Variants in MAGT1 observed in about 807,000 individuals in gnomAD.
MAGT1 encodes dolichyl-diphosphooligosaccharide--protein glycosyltransferase subunit MAGT1.
In MAGT1, 4 loss-of-function variants were observed where a neutral mutation model predicts 28.4. The observed-to-expected ratio is 0.14, with a 90% CI of 0.07 to 0.32. The LOEUF is 0.32. MAGT1 is among the 10% of genes least tolerant of loss of function. The probability of loss-of-function intolerance (pLI) is 1.00; values close to 1 mark genes in which losing one functional copy is unlikely to be tolerated. For synonymous variants in MAGT1, 89 were observed against 89.7 expected, an observed-to-expected ratio of 0.99 and a Z score of 0.04; for missense variants, 193 against 264.5, an observed-to-expected ratio of 0.73 and a Z score of 1.88.
chrX:77,844,715 C>T (rs781848779), intron 7 of MAGT1, among the ~76,000 whole-genome samples: 8 of 111,672 alleles, frequency 7.2e-5, no homozygotes, highest in Non-Finnish European at 1.1e-4. Flanking sequence ...AGTAGTCATT[C>T]AGGAGCAGGC....
chrX:77,855,875 AT>A (rs1229138805), intron 5 of MAGT1, among the ~76,000 whole-genome samples: 1 of 109,191 alleles, frequency 9.2e-6, no homozygotes, highest in African/African-American at 3.3e-5. Flanking sequence ...GGTTTAAGCA[AT>A]TCTCCTGCCT....
intron 8 of MAGT1, among the ~76,000 whole-genome samples, chrX:77,831,594 CT>C (rs67369107): frequency 0.43 from 39,542 of 91,042 alleles, 8,624 homozygotes; most frequent in Non-Finnish European, 0.58. Context: ...TTTTGGTTTT[CT>C]TTTTTTTTTT....
intron 1 of MAGT1, among the ~76,000 whole-genome samples, chrX:77,891,315 CATCTATCTATCTATCT>C (rs79053193): frequency 1.1e-5 from 1 of 90,435 alleles, no homozygotes; most frequent in African/African-American, 4.1e-5. Context: ...TCAGTTCCCT[CATCTATCTATCTATCT>C]ATCTATCTAT....
rs782367989 is a variant in MAGT1 at position 77,868,602 on chromosome X, A to G, written c.390+2206T>C. On this transcript the variant is annotated intron_variant, in intron 3 of 9. Transcript: ENST00000618282. ...CAGTGAGCCGAGATCAAGCCACTGCACTCTAGTCTGGGCAACAGAGCGAGA... is the reference window on the plus strand; with the variant it reads ...CAGTGAGCCGAGATCAAGCCACTGCGCTCTAGTCTGGGCAACAGAGCGAGA... The G allele has an allele frequency of 6.3e-5, 17 of 269,753 alleles. No individual in the cohort carries two copies. The East Asian group carries it at 1.9e-3, about 31-fold the overall frequency. 22.2% of individuals were successfully genotyped at this position (269,753 alleles called of 1,213,427 possible).
rs782593915 is a variant in MAGT1 at position 77,828,862 on chromosome X, G to A, written c.*358C>T. On this transcript the variant is annotated 3_prime_UTR_variant, in exon 10 of 10. Coordinates refer to ENST00000618282, the MANE Select transcript of MAGT1 (RefSeq NM_001367916.1). ...CTTACTTTCCCCATCTTTGGATAAG[G>A]CAATATAAAATCAGATGACCAAGTT... 1 of 162,053 alleles carries A rather than the reference G, an allele frequency of 6.2e-6. No homozygotes were observed. Among genetic ancestry groups the A allele is most frequent in the Non-Finnish European group, 1.2e-5 (1 of 85,871 alleles). The allele number at this position is 162,053 out of a possible 1,213,427, so 13.4% of individuals were successfully genotyped here.
rs782351906 is a variant in MAGT1 at position 77,826,004 on chromosome X, C to T, written c.*3216G>A. 8.9e-6 allele frequency among the ~76,000 whole-genome samples: 1 copy of T among 112,417 alleles called. No homozygotes were observed. The highest frequency in any genetic ancestry group is 3.6e-4 in the South Asian group (1 of 2,765). On this transcript the variant is annotated 3_prime_UTR_variant, in exon 10 of 10. Coordinates refer to ENST00000618282, the MANE Select transcript of MAGT1 (RefSeq NM_001367916.1). ...TAGTTTCATATAACTTATAATCTGCCAGGGTAACTTTCAAATCAAGTTTTT... is the reference window on the plus strand; with the variant it reads ...TAGTTTCATATAACTTATAATCTGCTAGGGTAACTTTCAAATCAAGTTTTT...
intron 1 of MAGT1, among the ~76,000 whole-genome samples, chrX:77,875,919 C>A (rs2077032170): frequency 9.2e-6 from 1 of 108,874 alleles, no homozygotes; most frequent in South Asian, 3.9e-4. Flanking sequence ...GTAGCCTTGA[C>A]CTCCTGGCCT....
In MAGT1 at chrX:77,832,976, C is replaced by A. The variant is rs180721369; in HGVS notation, c.902-2081G>T. 1.8e-4 allele frequency among the ~76,000 whole-genome samples: 20 copies of A among 110,679 alleles called. No homozygotes were observed. In the East Asian group the frequency reaches 4.5e-3, roughly 25 times the overall value. On this transcript the variant is annotated intron_variant, in intron 8 of 9. Coordinates refer to ENST00000618282, the MANE Select transcript of MAGT1 (RefSeq NM_001367916.1). ...TGTTAAACAATATTTCTCTTTAATT[C>A]TTTTCTAATTTACAAAAAAGAAGTG...
chrX:77,837,345 T>C (rs1208348752), intron 8 of MAGT1: 3 of 112,136 alleles, frequency 2.7e-5, no homozygotes, highest in Non-Finnish European at 5.6e-5. Flanking sequence ...AAGATTAGCA[T>C]GGCCCCTGTG....
In MAGT1 at chrX:77,828,924, A is replaced by G. The variant is rs1276101598; in HGVS notation, c.*296T>C. On this transcript the variant is annotated 3_prime_UTR_variant, in exon 10 of 10. Coordinates refer to ENST00000618282, the MANE Select transcript of MAGT1 (RefSeq NM_001367916.1). The stretch of plus-strand genomic sequence containing the variant: ...TTTTGAGCTTTGTTCTAACTAAAAC[A>G]AAGTAGTAGTTTTACAATTTTTATA... 9 of 224,605 alleles carry G rather than the reference A, an allele frequency of 4.0e-5. No homozygotes were observed. The Admixed American group carries it at 5.4e-4, about 13-fold the overall frequency. 18.5% of individuals were successfully genotyped at this position (224,605 alleles called of 1,213,427 possible).
At chrX:77,882,142 G>A (rs924378492) in intron 1 of MAGT1, among the ~76,000 whole-genome samples, 1 of 111,863 alleles carries the variant, frequency 8.9e-6, no homozygotes, top group Non-Finnish European at 1.9e-5. Context: ...TAGATGGGAC[G>A]TATCTAAAAA....
Position 77,827,073 on chromosome X carries a change from C to G in MAGT1, c.*2147G>C, listed in dbSNP as rs924210015. On this transcript the variant is annotated 3_prime_UTR_variant, in exon 10 of 10. Coordinates refer to ENST00000618282, the MANE Select transcript of MAGT1 (RefSeq NM_001367916.1). ...GTCATAGTATCTTTTTAATGTAATA[C>G]TTGTAAGATTTCCTTAAAATTATTT... The G allele has an allele frequency of 8.9e-6, 1 of 112,055 alleles. No individual in the cohort carries two copies. Among genetic ancestry groups the G allele is most frequent in the African/African-American group, 3.2e-5 (1 of 30,931 alleles). 9.2% of individuals were successfully genotyped at this position (112,055 alleles called of 1,213,427 possible).
intron 8 of MAGT1, 75 bp from the exon 9 acceptor site, chrX:77,830,970 T>TTATTTTATTTTATTTTA (rs2076896402): frequency 5.5e-6 from 1 of 181,564 alleles, no homozygotes; most frequent in Non-Finnish European, 9.9e-6. Flanking sequence ...ATACTTTCTT[T>TTATTTTATTTTATTTTA]TTTTATTTTA....
chrX:77,850,983 T>C (rs1302452903), intron 7 of MAGT1, among the ~76,000 whole-genome samples: 1 of 109,149 alleles, frequency 9.2e-6, no homozygotes, highest in Non-Finnish European at 1.9e-5. Flanking sequence ...TTTTTTTTTT[T>C]TTTCTTTGAG....
chrX:77,834,278 G>GTA lies in MAGT1; in HGVS notation c.902-3385_902-3384dup, dbSNP rs782224911. Among the ~76,000 whole-genome samples, 15 of 92,899 alleles carry GTA rather than the reference G, an allele frequency of 1.6e-4. No homozygotes were observed. In the East Asian group the frequency reaches 3.1e-3, roughly 19 times the overall value. The allele number at this position is 92,899 out of a possible 115,157, so 80.7% of individuals were successfully genotyped here. A position where few individuals can be genotyped will look rare whatever the true frequency, so the allele number is the denominator to read the frequency against. ...TACATGTGTGTATATATGCATATAT[G>GTA]TATATATATGCATATATATATATAC... On this transcript the variant is annotated intron_variant, in intron 8 of 9. Coordinates refer to ENST00000618282, the MANE Select transcript of MAGT1 (RefSeq NM_001367916.1).
chrX:77,852,131 G>T (rs1380083420), intron 7 of MAGT1, among the ~76,000 whole-genome samples: 1 of 111,049 alleles, frequency 9.0e-6, no homozygotes, highest in Non-Finnish European at 1.9e-5. Context: ...TCGAACTCCT[G>T]ATCTCAGGTG....
chrX:77,895,521 C>T (rs1557219871), upstream of MAGT1: 1 of 1,154,351 alleles, frequency 8.7e-7, no homozygotes, highest in Non-Finnish European at 1.2e-6. Context: ...CCAGCTCAGC[C>T]CTGCCGGGAG....
intron 8 of MAGT1, among the ~76,000 whole-genome samples, chrX:77,834,244 GCAT>G (rs1255861474): frequency 3.0e-5 from 2 of 67,051 alleles, no homozygotes; most frequent in African/African-American, 8.4e-5. Context: ...GTATATATAT[GCAT>G]ATATATACAT....
In MAGT1 at chrX:77,890,552, G is replaced by A. The variant is rs935562487; in HGVS notation, c.102+4757C>T. Among the ~76,000 whole-genome samples, 4 of 111,858 alleles carry A rather than the reference G, an allele frequency of 3.6e-5. No homozygotes were observed. In the Admixed American group the frequency reaches 3.8e-4, roughly 11 times the overall value. ...CTAATCAGATATTTTCTAGAGAACTGCAGGGTTTTTTGCACATGTGATACT... is the reference window on the plus strand; with the variant it reads ...CTAATCAGATATTTTCTAGAGAACTACAGGGTTTTTTGCACATGTGATACT... On this transcript the variant is annotated intron_variant, in intron 1 of 9. Transcript: ENST00000618282.
Sources: allele counts gnomAD v4.1 joint callset (sites outside exome capture counted in the v4.1 genomes callset), GRCh38; gene constraint gnomAD v4.1.1; transcripts MANE v1.5; gene names NCBI Gene and HGNC (gene_info 2026-07-23, HGNC 2026-07-21).